Variants in BRMS1 observed in about 807,000 individuals in gnomAD.
The protein encoded by BRMS1 is breast cancer metastasis-suppressor 1.
BRMS1 carries 26 observed loss-of-function variants against 40.4 expected under a neutral mutation model. The ratio of observed to expected loss-of-function variants is 0.64; its 90% CI spans 0.47 to 0.89. The LOEUF (loss-of-function observed/expected upper bound fraction) is 0.89. Among genes scored for constraint, BRMS1 ranks in the 40% least tolerant of loss-of-function variants. The probability of loss-of-function intolerance (pLI) is 0.00; values close to 1 mark genes in which losing one functional copy is unlikely to be tolerated. For missense variants in BRMS1, 289 were observed against 309.4 expected (o/e 0.93, Z 0.49); for synonymous variants, 103 against 116.0 (o/e 0.89, Z 0.72).
chr11:66,344,872 C>T (rs1855168559), intron 1 of BRMS1, 100 bp downstream of exon 1: 2 of 152,266 alleles, frequency 1.3e-5, no homozygotes. Context: ...ACGCGTCAGG[C>T]CGGTTAAATC....
At position 66,337,703 on chromosome 11, in the gene BRMS1, AG is replaced by A. The variant is rs1565204135; in HGVS notation, c.*178del. ...GGCCACAGCTGTGCAGGCCTCGAGG[AG>A]GGCAGAGGAGGAGTCCAGGCCAGTG... is the stretch of plus-strand genomic sequence containing the variant. On this transcript the variant is annotated 3_prime_UTR_variant, in exon 10 of 10. Coordinates refer to ENST00000359957, the MANE Select transcript of BRMS1 (RefSeq NM_015399.4). The A allele has an allele frequency of 1.2e-6, 2 of 1,602,740 alleles. No homozygotes were observed. The highest frequency in any genetic ancestry group is 1.3e-5 in the African/African-American group (1 of 74,750).
Position 66,340,230 on chromosome 11 carries a change from A to G in BRMS1, c.536-17T>C, listed in dbSNP as rs1382836773. The G allele has an allele frequency of 6.2e-7, 1 of 1,608,398 alleles. No individual in the cohort carries two copies. Among genetic ancestry groups the G allele is most frequent in the South Asian group, 1.1e-5 (1 of 90,886 alleles). On this transcript the variant is annotated splice_polypyrimidine_tract_variant and intron_variant, in intron 6 of 9. Coordinates refer to ENST00000359957, the MANE Select transcript of BRMS1 (RefSeq NM_015399.4). ...CCCACCATTCTGCCCCGAGACCCAGAGTTAGAATTGGGGTGCTGGCCCACA... is the reference window on the plus strand; with the variant it reads ...CCCACCATTCTGCCCCGAGACCCAGGGTTAGAATTGGGGTGCTGGCCCACA...
chr11:66,342,385 G>GT, intron 1 of BRMS1, 144 bp from the exon 2 acceptor site: 2 of 1,016,564 alleles, frequency 2.0e-6, no homozygotes, highest in South Asian at 1.5e-5. Flanking sequence ...CACAAACTGG[G>GT]TGACAAGGGT....
At chr11:66,343,268 A>G (rs1425647640) in intron 1 of BRMS1, among the ~76,000 whole-genome samples, 1 of 152,120 alleles carries the variant, frequency 6.6e-6, no homozygotes. Flanking sequence ...TAATGCCAAT[A>G]TTTTTCAGTG....
intron 1 of BRMS1, among the ~76,000 whole-genome samples, chr11:66,343,826 C>G (rs1006528133): frequency 6.7e-6 from 1 of 148,842 alleles, no homozygotes; most frequent in Non-Finnish European, 1.5e-5. Flanking sequence ...TGAGGAGACC[C>G]CTACAAAGGA....
At position 66,342,000 on chromosome 11, in the gene BRMS1, G is replaced by C; in HGVS notation, c.139+96C>G. The C allele has an allele frequency of 1.5e-6, 2 of 1,362,018 alleles. No homozygotes were observed. The highest frequency in any genetic ancestry group is 2.0e-6 in the Non-Finnish European group (2 of 995,658). The allele number at this position is 1,362,018 out of a possible 1,614,324, so 84.4% of individuals were successfully genotyped here. A position where few individuals can be genotyped will look rare whatever the true frequency, so the allele number is the denominator to read the frequency against. On this transcript the variant is annotated intron_variant, in intron 2 of 9. Transcript: ENST00000359957. The surrounding 1 kb of genome is among the most constrained non-coding windows in gnomAD (Gnocchi z 4.9). ...TTGTGTGTAGGCGCTGTATGTGCATGTGCGTGCATGCTTGTGTGTAGGGGC... is the reference window on the plus strand; with the variant it reads ...TTGTGTGTAGGCGCTGTATGTGCATCTGCGTGCATGCTTGTGTGTAGGGGC...
At chr11:66,339,958 A>G in intron 7 of BRMS1, 163 bp downstream of exon 7, 1 of 594,472 alleles carries the variant, frequency 1.7e-6, no homozygotes. Context: ...CCCGTAAGAA[A>G]CTGCTGACAG....
intron 7 of BRMS1, among the ~76,000 whole-genome samples, chr11:66,339,535 T>C (rs1249310763): frequency 6.6e-6 from 1 of 152,160 alleles, no homozygotes; most frequent in Non-Finnish European, 1.5e-5. Context: ...CAGGCAGGAC[T>C]TCCAAGAGGA....
intron 8 of BRMS1, 110 bp from the exon 9 acceptor site, chr11:66,338,392 C>G (rs1294457476): frequency 6.5e-7 from 1 of 1,535,420 alleles, no homozygotes; most frequent in East Asian, 2.5e-5. Context: ...TGCTGTGCCC[C>G]CAGGACCGGG....
Position 66,341,911 on chromosome 11 carries a change from G to T in BRMS1, c.139+185C>A. Reference sequence around the variant, plus strand: ...GTGCTTGTGTGTAGGGGCTGTGTGTGCGTGCTTGTGTGTAGGGGCTGTGTG... The same window carrying T: ...GTGCTTGTGTGTAGGGGCTGTGTGTTCGTGCTTGTGTGTAGGGGCTGTGTG... On this transcript the variant is annotated intron_variant, in intron 2 of 9. Coordinates refer to ENST00000359957, the MANE Select transcript of BRMS1 (RefSeq NM_015399.4). The surrounding 1 kb of genome is among the most constrained non-coding windows in gnomAD (Gnocchi z 4.9). 1 of 690,682 alleles carries T rather than the reference G, an allele frequency of 1.4e-6. No individual in the cohort carries two copies. The highest frequency in any genetic ancestry group is 2.4e-6 in the Non-Finnish European group (1 of 410,642). The allele number at this position is 690,682 out of a possible 1,614,324, so 42.8% of individuals were successfully genotyped here.
Position 66,341,285 on chromosome 11 carries a change from C to G in BRMS1, c.279G>C (p.Val93=), listed in dbSNP as rs750862445. The stretch of plus-strand genomic sequence containing the variant: ...TGTATTCAGGGGCTCTCTCAGCCCC[C>G]ACTTCCTCCAGCCGCAACCGCAGCT... ...LSQLRLRLEE[V]GAERAPEYTE... is the part of the protein sequence containing the mutation. The change falls in exon 4 of 10, where the codon GTG becomes GTC. Residue 93 remains valine, a synonymous_variant. Coordinates refer to ENST00000359957, the MANE Select transcript of BRMS1 (RefSeq NM_015399.4). The surrounding 1 kb of genome is among the most constrained non-coding windows in gnomAD (Gnocchi z 4.9). 4 of 1,613,518 alleles carry G rather than the reference C, an allele frequency of 2.5e-6. No individual in the cohort carries two copies. The highest frequency in any genetic ancestry group is 2.2e-5 in the South Asian group (2 of 91,086).
rs369086207 is a variant in BRMS1 at position 66,343,830 on chromosome 11, C to A, written c.-8+1142G>T. 4.0e-4 allele frequency among the ~76,000 whole-genome samples: 59 copies of A among 146,244 alleles called. 1 individual carries two copies. In the South Asian group the frequency reaches 0.013, roughly 33 times the overall value. On this transcript the variant is annotated intron_variant, in intron 1 of 9. Coordinates refer to ENST00000359957, the MANE Select transcript of BRMS1 (RefSeq NM_015399.4). ...AAAGGGGCAGATGAGGAGACCCCTA[C>A]AAAGGAGGAGGCAAAACCCGAAGTG...
chr11:66,340,198 T>G lies in BRMS1; in HGVS notation c.551A>C (p.Lys184Thr). 1.2e-6 allele frequency: 2 copies of G among 1,613,560 alleles called. No homozygotes were observed. The highest frequency in any genetic ancestry group is 1.7e-6 in the Non-Finnish European group (2 of 1,179,858). The change falls in exon 7 of 10, where the codon AAA (lysine) becomes ACA (threonine). Residue 184 changes from lysine to threonine, a missense_variant. Coordinates refer to ENST00000359957, the MANE Select transcript of BRMS1 (RefSeq NM_015399.4). ...LDLSSEWWDD[K>T]LHARGSSRSW... ...CCTGGAGCTGCCTCTGGCGTGCAGT[T>G]TGTCATCCCACCATTCTGCCCCGAG...
At chr11:66,339,166 C>T (rs1286223473) in intron 7 of BRMS1, among the ~76,000 whole-genome samples, 1 of 152,210 alleles carries the variant, frequency 6.6e-6, no homozygotes, top group Non-Finnish European at 1.5e-5. Flanking sequence ...CTTGATGTCT[C>T]CATGCCTTCA....
At chr11:66,338,829 G>C (rs372393832) in intron 7 of BRMS1, 44 bp from the exon 8 acceptor site, 1 of 1,510,764 alleles carries the variant, frequency 6.6e-7, no homozygotes, top group Middle Eastern at 1.8e-4. Flanking sequence ...GGCAGGTGAC[G>C]AGGGCAGGGC....
intron 1 of BRMS1, 82 bp from the exon 2 acceptor site, chr11:66,342,323 C>T (rs568286915): frequency 7.8e-6 from 12 of 1,546,930 alleles, no homozygotes; most frequent in African/African-American, 5.4e-5. Context: ...GAACACAACT[C>T]GATCCCAGAT....
Position 66,337,426 on chromosome 11 carries a change from T to C in BRMS1, c.*456A>G, listed in dbSNP as rs868349425. The C allele has an allele frequency of 1.0e-5, 5 of 497,526 alleles. No homozygotes were observed. The highest frequency in any genetic ancestry group is 2.9e-4 in the Middle Eastern group (1 of 3,500). The allele number at this position is 497,526 out of a possible 1,614,324, so 30.8% of individuals were successfully genotyped here. On this transcript the variant is annotated 3_prime_UTR_variant, in exon 10 of 10. Transcript: ENST00000359957. ...GAGAACACCTGGGGGGCCTGGCATC[T>C]TGCCTCCAGATCCAGCCAGGGTGGA...
chr11:66,341,145 G>A lies in BRMS1; in HGVS notation c.358+61C>T. 1 of 1,612,270 alleles carries A rather than the reference G, an allele frequency of 6.2e-7. No individual in the cohort carries two copies. Among genetic ancestry groups the A allele is most frequent in the Non-Finnish European group, 8.5e-7 (1 of 1,178,894 alleles). ...GGCAAGGCCGGGCAGGAACGAGAGAGGAAGGGGACAGGGTGCCACGGGTTC... is the reference window on the plus strand; with the variant it reads ...GGCAAGGCCGGGCAGGAACGAGAGAAGAAGGGGACAGGGTGCCACGGGTTC... On this transcript the variant is annotated intron_variant, in intron 4 of 9. Coordinates refer to ENST00000359957, the MANE Select transcript of BRMS1 (RefSeq NM_015399.4). The surrounding 1 kb of genome is among the most constrained non-coding windows in gnomAD (Gnocchi z 4.9).
In BRMS1 at chr11:66,341,960, G is replaced by T; in HGVS notation, c.139+136C>A. The stretch of plus-strand genomic sequence containing the variant: ...TGTGCGTGTGTGCGCTTGTGTGCAG[G>T]GTCTGTGTATGTGCTTGTGTGTAGG... On this transcript the variant is annotated intron_variant, in intron 2 of 9. Coordinates refer to ENST00000359957, the MANE Select transcript of BRMS1 (RefSeq NM_015399.4). The surrounding 1 kb of genome is among the most constrained non-coding windows in gnomAD (Gnocchi z 4.9). 1.0e-6 allele frequency: 1 copy of T among 952,516 alleles called. No individual in the cohort carries two copies. The highest frequency in any genetic ancestry group is 1.6e-6 in the Non-Finnish European group (1 of 641,496). 59.0% of individuals were successfully genotyped at this position (952,516 alleles called of 1,614,324 possible).
Sources: allele counts gnomAD v4.1 joint callset (sites outside exome capture counted in the v4.1 genomes callset), GRCh38; gene constraint gnomAD v4.1.1; non-coding constraint Gnocchi (gnomAD v3.1); transcripts MANE v1.5; gene names NCBI Gene and HGNC (gene_info 2026-07-23, HGNC 2026-07-21).